PKN2: variants seen among roughly 807,000 people sequenced by gnomAD.
The protein encoded by PKN2 is protein kinase N2, also known as serine/threonine-protein kinase N2.
In PKN2, 38 loss-of-function variants were observed where a neutral mutation model predicts 119.1. The ratio of observed to expected loss-of-function variants is 0.32; its 90% confidence interval spans 0.25 to 0.42. The LOEUF (loss-of-function observed/expected upper bound fraction) is 0.42. Among genes scored for constraint, PKN2 ranks in the 10% least tolerant of loss-of-function variants. The pLI, the probability that PKN2 is intolerant of heterozygous loss-of-function variation, is 1.00. For synonymous variants in PKN2, 390 were observed against 384.9 expected, an observed-to-expected ratio of 1.01 and a Z score of -0.15; for missense variants, 850 against 1,165.1, an observed-to-expected ratio of 0.73 and a Z score of 3.94.
intron 1 of PKN2, among the ~76,000 whole-genome samples, chr1:88,721,835 A>G (rs1365939425): frequency 6.6e-6 from 1 of 152,194 alleles, no homozygotes; most frequent in Non-Finnish European, 1.5e-5. Context: ...AACCTCAGGA[A>G]TCTGTGAACC....
intron 20 of PKN2, 74 bp from the exon 21 acceptor site, chr1:88,833,003 T>G: frequency 7.2e-7 from 1 of 1,391,484 alleles, no homozygotes. Flanking sequence ...CTAAGTTTTT[T>G]AAAGTAATAA....
rs768481092 is a variant in PKN2 at position 88,760,280 on chromosome 1, T to C, written c.408T>C (p.Asn136=). ...ACCCTCGTTGTTCTACTAGCAACAA[T>C]AGATTGAAGGCCTTACAAAAACAAT... ...NNDPRCSTSN[N]RLKALQKQLD... is the part of the protein sequence containing the mutation. The change falls in exon 3 of 22, where the codon AAT becomes AAC. Residue 136 remains asparagine, a synonymous_variant. Transcript: ENST00000370521. 1.3e-6 allele frequency: 2 copies of C among 1,576,724 alleles called. No individual in the cohort carries two copies. Among genetic ancestry groups the C allele is most frequent in the South Asian group, 1.1e-5 (1 of 89,706 alleles).
At position 88,781,178 on chromosome 1, in the gene PKN2, T is replaced by C. The variant is rs1279707343; in HGVS notation, c.986-3461T>C. On this transcript the variant is annotated intron_variant, in intron 6 of 21. Coordinates refer to ENST00000370521, the MANE Select transcript of PKN2 (RefSeq NM_006256.4). Reference sequence around the variant, plus strand: ...GGATGAATAGTAAGAGCATTTGCTGTTCTGAATTTTTCACTGCATGCTATT... The same window carrying C: ...GGATGAATAGTAAGAGCATTTGCTGCTCTGAATTTTTCACTGCATGCTATT... 6.3e-6 allele frequency: 8 copies of C among 1,275,490 alleles called. No individual in the cohort carries two copies. In the East Asian group the frequency reaches 4.6e-4, roughly 73 times the overall value. 79.0% of individuals were successfully genotyped at this position (1,275,490 alleles called of 1,614,324 possible).
intron 2 of PKN2, among the ~76,000 whole-genome samples, chr1:88,756,995 T>A (rs1669232183): frequency 6.6e-6 from 1 of 151,312 alleles, no homozygotes; most frequent in Non-Finnish European, 1.5e-5. Flanking sequence ...GTACCAAAAC[T>A]GAGACTCAAA....
chr1:88,829,339 TCCA>T (rs1290515634), intron 19 of PKN2: 1 of 392,786 alleles, frequency 2.5e-6, no homozygotes, highest in African/African-American at 2.4e-5. Flanking sequence ...CACCAACAGC[TCCA>T]CCGAGATTCC....
intron 15 of PKN2, among the ~76,000 whole-genome samples, chr1:88,812,647 G>T (rs1354415641): frequency 1.3e-5 from 2 of 152,068 alleles, no homozygotes; most frequent in Non-Finnish European, 2.9e-5. Context: ...GAGGCAGGAG[G>T]TTCACTTGAG....
chr1:88,752,791 A>G (rs1669053224), intron 2 of PKN2, among the ~76,000 whole-genome samples: 1 of 151,996 alleles, frequency 6.6e-6, no homozygotes, highest in Admixed American at 6.6e-5. Context: ...TTTCTGTATC[A>G]TGTTTTAAAT....
At chr1:88,798,603 A>G (rs1349673363) in intron 8 of PKN2, among the ~76,000 whole-genome samples, 8 of 152,198 alleles carry the variant, frequency 5.3e-5, no homozygotes, top group South Asian at 2.1e-4. Flanking sequence ...TGAAAGTGCT[A>G]AAGAAGTTGC....
chr1:88,756,546 A>C (rs778333465), intron 2 of PKN2, among the ~76,000 whole-genome samples: 1 of 152,146 alleles, frequency 6.6e-6, no homozygotes, highest in Non-Finnish European at 1.5e-5. Flanking sequence ...ACACATTTTC[A>C]TACTCTTCTC....
chr1:88,765,308 C>T (rs1187070376), intron 3 of PKN2, among the ~76,000 whole-genome samples: 4 of 150,200 alleles, frequency 2.7e-5, no homozygotes, highest in African/African-American at 4.9e-5. Flanking sequence ...GACATGTCTC[C>T]TGTTTATATA....
chr1:88,747,793 A>T (rs1668827311), intron 2 of PKN2, among the ~76,000 whole-genome samples: 1 of 152,108 alleles, frequency 6.6e-6, no homozygotes, highest in Non-Finnish European at 1.5e-5. Context: ...GGGAATTACT[A>T]ATTTAGTAAT....
chr1:88,782,368 G>A (rs1353199134), intron 6 of PKN2, among the ~76,000 whole-genome samples: 1 of 151,836 alleles, frequency 6.6e-6, no homozygotes, highest in Non-Finnish European at 1.5e-5. Context: ...ATCAAATGTG[G>A]AGAATTCATG....
In PKN2 at chr1:88,778,760, C is replaced by G. The variant is rs565611787; in HGVS notation, c.986-5879C>G. Among the ~76,000 whole-genome samples the G allele has an allele frequency of 2.0e-5, 3 of 152,022 alleles. No individual in the cohort carries two copies. The South Asian group carries it at 6.2e-4, about 32-fold the overall frequency. The stretch of plus-strand genomic sequence containing the variant: ...ACAGAGTCTCGCTCTGTTGCCCAGG[C>G]TGGAGTGCAGTGGCGTGATCTCCGC... On this transcript the variant is annotated intron_variant, in intron 6 of 21. Coordinates refer to ENST00000370521, the MANE Select transcript of PKN2 (RefSeq NM_006256.4).
At chr1:88,789,978 T>G (rs1670749310) in intron 8 of PKN2, among the ~76,000 whole-genome samples, 1 of 152,170 alleles carries the variant, frequency 6.6e-6, no homozygotes. Context: ...TTGTTTTGTT[T>G]TGCTTAGTTT....
Position 88,813,609 on chromosome 1 carries a change from T to G in PKN2, c.2155T>G (p.Phe719Val). 6.2e-7 allele frequency: 1 copy of G among 1,609,480 alleles called. No individual in the cohort carries two copies. The highest frequency in any genetic ancestry group is 1.1e-5 in the South Asian group (1 of 90,226). ...FETVNSVRHP[F>V]LVNLFACFQT... ...AACTGTGAATAGTGTAAGGCATCCC[T>G]TTTTGGTGAACCTTTTTGCATGTTT... The change falls in exon 16 of 22, where the codon TTT (phenylalanine) becomes GTT (valine). Residue 719 changes from phenylalanine to valine, a missense_variant. Physicochemically the swap from Phe to Val is conservative, Grantham distance 50. Coordinates refer to ENST00000370521, the MANE Select transcript of PKN2 (RefSeq NM_006256.4).
At position 88,770,346 on chromosome 1, in the gene PKN2, T is replaced by A. The variant is rs7541301; in HGVS notation, c.505-6T>A. The A allele has an allele frequency of 0.55, 856,698 of 1,560,928 alleles. 238,573 individuals carry two copies. Among genetic ancestry groups the A allele is most frequent in the Middle Eastern group, 0.69 (4,131 of 5,954 alleles). Reference sequence around the variant, plus strand: ...GCTTAATTTTTCAAACTTATTTTTTTAATAGGATCGGAAACTCCATGGTAC... The same window carrying A: ...GCTTAATTTTTCAAACTTATTTTTTAAATAGGATCGGAAACTCCATGGTAC... On this transcript the variant is annotated splice_region_variant and splice_polypyrimidine_tract_variant and intron_variant, in intron 3 of 21. Transcript: ENST00000370521.
chr1:88,770,326 A>T, intron 3 of PKN2, 26 bp from the exon 4 acceptor site: 2 of 1,398,886 alleles, frequency 1.4e-6, no homozygotes, highest in Non-Finnish European at 2.0e-6. Context: ...TATTTGCTTA[A>T]TTTTTCAAAC....
chr1:88,743,233 T>C (rs760068591), intron 2 of PKN2, among the ~76,000 whole-genome samples: 3 of 152,188 alleles, frequency 2.0e-5, no homozygotes, highest in Non-Finnish European at 4.4e-5. Context: ...TATGACAAAA[T>C]GCACGTATTT....
chr1:88,704,349 T>G lies in PKN2; in HGVS notation c.48+19721T>G, dbSNP rs1199074778. Among the ~76,000 whole-genome samples the G allele has an allele frequency of 1.2e-4, 18 of 152,218 alleles. No homozygotes were observed. The South Asian group carries it at 1.4e-3, about 12-fold the overall frequency. Reference sequence around the variant, plus strand: ...CAATCATTTTTGTTGTTGAGTAGTATTTCATTATATGGATATATAATACCA... The same window carrying G: ...CAATCATTTTTGTTGTTGAGTAGTAGTTCATTATATGGATATATAATACCA... On this transcript the variant is annotated intron_variant, in intron 1 of 21. Coordinates refer to ENST00000370521, the MANE Select transcript of PKN2 (RefSeq NM_006256.4).
Sources: gnomAD v4.1 joint callset for allele counts (sites outside exome capture counted in the v4.1 genomes callset) on GRCh38, gnomAD v4.1.1 for gene constraint, MANE v1.5 for transcripts, NCBI Gene and HGNC (gene_info 2026-07-23, HGNC 2026-07-21) for gene names.